SNTG1: variants seen among roughly 807,000 people sequenced by gnomAD.
SNTG1 encodes syntrophin gamma 1.
Under a neutral mutation model 74.7 loss-of-function variants are expected in SNTG1, and 39 were observed. The observed-to-expected ratio is 0.52, with a 90% CI of 0.40 to 0.68. The LOEUF is 0.68. Ranked by LOEUF, SNTG1 falls within the 30% of genes least tolerant of loss-of-function variation. SNTG1 has a pLI of 0.00. For synonymous variants in SNTG1, 254 were observed against 217.1 expected (o/e 1.17, Z -1.49); for missense variants, 685 against 609.5 (o/e 1.12, Z -1.30).
At chr8:50,424,147 C>A (rs2093132045) in intron 4 of SNTG1, among the ~76,000 whole-genome samples, 1 of 152,080 alleles carries the variant, frequency 6.6e-6, no homozygotes, top group Admixed American at 6.6e-5. Flanking sequence ...CCAGGTGAAA[C>A]TGTGATGAGG....
At position 49,935,407 on chromosome 8, in the gene SNTG1, T is replaced by TTC. The variant is rs1554524030; in HGVS notation, c.-103+23177_-103+23178insCT. On this transcript the variant is annotated intron_variant, in intron 1 of 18. Coordinates refer to ENST00000642720, the MANE Select transcript of SNTG1 (RefSeq NM_018967.5). ...CCATTAATTCCTTTTTTTTTTTTTT[T>TTC]TGGTGTCAAGCACAGGCCTTCAATG... Among the ~76,000 whole-genome samples, 358 of 149,144 alleles carry TTC rather than the reference T, an allele frequency of 2.4e-3. 1 individual carries two copies. Among genetic ancestry groups the TTC allele is most frequent in the African/African-American group, 8.4e-3 (339 of 40,194 alleles).
chr8:50,360,649 G>A (rs953852382), intron 2 of SNTG1, among the ~76,000 whole-genome samples: 3 of 152,136 alleles, frequency 2.0e-5, no homozygotes, highest in African/African-American at 7.2e-5. Context: ...TAGGCTACAT[G>A]CCTCCACAGC....
chr8:50,722,563 C>T (rs1333158227), intron 17 of SNTG1, among the ~76,000 whole-genome samples: 2 of 152,094 alleles, frequency 1.3e-5, no homozygotes, highest in African/African-American at 4.8e-5. Flanking sequence ...TAAGATTTAT[C>T]TCTTATAGAT....
rs1281518018 is a variant in SNTG1 at position 50,376,744 on chromosome 8, T to G, written c.-27-17468T>G. On this transcript the variant is annotated intron_variant, in intron 2 of 18. Transcript: ENST00000642720. ...TATTAATAAATTATATATATATATA[T>G]ATATATATATATAGAGAGAGAGAGA... Among the ~76,000 whole-genome samples, 22 of 112,882 alleles carry G rather than the reference T, an allele frequency of 1.9e-4. No individual in the cohort carries two copies. The South Asian group carries it at 2.4e-3, about 12-fold the overall frequency. The allele number at this position is 112,882 out of a possible 152,430, so 74.1% of individuals were successfully genotyped here. A position where few individuals can be genotyped will look rare whatever the true frequency, so the allele number is the denominator to read the frequency against.
chr8:50,185,540 A>C (rs1343773517), intron 2 of SNTG1, among the ~76,000 whole-genome samples: 1 of 152,148 alleles, frequency 6.6e-6, no homozygotes, highest in Admixed American at 6.5e-5. Flanking sequence ...AGTTTCTTAA[A>C]CTCTCTGAGT....
intron 1 of SNTG1, among the ~76,000 whole-genome samples, chr8:49,935,257 G>C (rs1012747098): frequency 6.7e-6 from 1 of 149,910 alleles, no homozygotes; most frequent in Non-Finnish European, 1.5e-5. Context: ...GTGTTAAAGC[G>C]CTTCTGAATG....
At chr8:50,561,835 A>G (rs2094490141) in intron 12 of SNTG1, among the ~76,000 whole-genome samples, 1 of 152,202 alleles carries the variant, frequency 6.6e-6, no homozygotes, top group Non-Finnish European at 1.5e-5. Context: ...CCATTGAACT[A>G]TTCATTCAGT....
chr8:50,176,568 GA>G (rs1197643323), intron 2 of SNTG1, among the ~76,000 whole-genome samples: 1 of 152,104 alleles, frequency 6.6e-6, no homozygotes, highest in Non-Finnish European at 1.5e-5. Flanking sequence ...TAATAGCAGT[GA>G]GGTTCCCCTA....
At chr8:50,666,422 G>A (rs1187515575) in intron 15 of SNTG1, among the ~76,000 whole-genome samples, 1 of 152,128 alleles carries the variant, frequency 6.6e-6, no homozygotes, top group Non-Finnish European at 1.5e-5. Context: ...TTGTGTTTAT[G>A]TAGGTGAATG....
intron 4 of SNTG1, among the ~76,000 whole-genome samples, chr8:50,420,677 C>T (rs188120313): frequency 9.9e-4 from 150 of 152,124 alleles, no homozygotes; most frequent in African/African-American, 3.5e-3. Context: ...AAAATTTTAA[C>T]ATTGCCTAAT....
chr8:49,987,924 T>A, intron 1 of SNTG1, among the ~76,000 whole-genome samples: 1 of 152,212 alleles, frequency 6.6e-6, no homozygotes, highest in Non-Finnish European at 1.5e-5. Flanking sequence ...AAATTAACCT[T>A]TTATTAAAGG....
At chr8:50,640,236 C>A (rs2131167237) in intron 13 of SNTG1, among the ~76,000 whole-genome samples, 1 of 152,198 alleles carries the variant, frequency 6.6e-6, no homozygotes, top group Non-Finnish European at 1.5e-5. Flanking sequence ...TTGATTTCCT[C>A]TATTTATACC....
chr8:50,080,292 T>G (rs1453730679), intron 1 of SNTG1, among the ~76,000 whole-genome samples: 1 of 152,224 alleles, frequency 6.6e-6, no homozygotes, highest in Non-Finnish European at 1.5e-5. Context: ...AATTCTCTGA[T>G]GGATACAGTT....
rs144350422 is a variant in SNTG1 at position 50,553,173 on chromosome 8, G to C, written c.804G>C (p.Lys268Asn). ...CAACTAACATTTCAAATCTCACAAAGCACAATGTAAGTAATGATTCAAGGA... is the reference window on the plus strand; with the variant it reads ...CAACTAACATTTCAAATCTCACAAACCACAATGTAAGTAATGATTCAAGGA... ...AIATNISNLT[K>N]HNIKKINRNF... The change falls in exon 12 of 19, where the codon AAG becomes AAC. Residue 268 changes from lysine (K) to asparagine (N), a missense_variant. Physicochemically the swap from Lys to Asn is moderately conservative, Grantham distance 94. Transcript: ENST00000642720. The C allele has an allele frequency of 4.2e-4, 670 of 1,613,610 alleles. 2 individuals carry two copies. Among genetic ancestry groups the C allele is most frequent in the Non-Finnish European group, 5.0e-4 (595 of 1,179,794 alleles).
At chr8:50,778,156 T>A (rs922466911) in intron 18 of SNTG1, among the ~76,000 whole-genome samples, 1 of 152,228 alleles carries the variant, frequency 6.6e-6, no homozygotes, top group Non-Finnish European at 1.5e-5. Context: ...AGTGCCGCAA[T>A]AAACATACGT....
chr8:49,961,538 C>T (rs1053149452), intron 1 of SNTG1, among the ~76,000 whole-genome samples: 1 of 152,156 alleles, frequency 6.6e-6, no homozygotes, highest in Non-Finnish European at 1.5e-5. Flanking sequence ...TGTTGAAGGT[C>T]TGTGTTTGCA....
At chr8:50,452,384 T>C (rs1473075199) in intron 8 of SNTG1, among the ~76,000 whole-genome samples, 2 of 152,236 alleles carry the variant, frequency 1.3e-5, no homozygotes, top group Non-Finnish European at 2.9e-5. Context: ...ATTTTAAATA[T>C]AGTCACATAA....
chr8:50,320,160 G>A (rs566346389), intron 2 of SNTG1, among the ~76,000 whole-genome samples: 2 of 152,262 alleles, frequency 1.3e-5, no homozygotes, highest in Non-Finnish European at 2.9e-5. Context: ...TTTACTGGGA[G>A]ACTTTTTATT....
chr8:50,612,663 G>A (rs1012313101), intron 13 of SNTG1, among the ~76,000 whole-genome samples: 6 of 152,134 alleles, frequency 3.9e-5, no homozygotes, highest in Non-Finnish European at 7.3e-5. Context: ...TCTGGTGTAT[G>A]TGCTTTACTA....
Sources: gnomAD v4.1 joint callset for allele counts (sites outside exome capture counted in the v4.1 genomes callset) on GRCh38, gnomAD v4.1.1 for gene constraint, MANE v1.5 for transcripts, NCBI Gene and HGNC (gene_info 2026-07-23, HGNC 2026-07-21) for gene names.